Variants in MEGF9 observed in about 807,000 individuals in gnomAD.
The protein encoded by MEGF9 is multiple epidermal growth factor-like domains protein 9.
In MEGF9, 6 loss-of-function variants were observed where a neutral mutation model predicts 46.8. The ratio of observed to expected loss-of-function variants is 0.13; its 90% CI spans 0.07 to 0.25. The LOEUF (loss-of-function observed/expected upper bound fraction) is 0.25, where lower values mean the gene tolerates loss of function less well. Ranked by LOEUF, MEGF9 falls within the 10% of genes least tolerant of loss-of-function variation. The probability of loss-of-function intolerance (pLI) is 1.00; values close to 1 mark genes in which losing one functional copy is unlikely to be tolerated. For missense variants in MEGF9, 683 were observed against 792.4 expected, an observed-to-expected ratio of 0.86 and a Z score of 1.66; for synonymous variants, 302 against 330.7, an observed-to-expected ratio of 0.91 and a Z score of 0.94.
chr9:120,634,506 G>C (rs539206842), intron 2 of MEGF9, among the ~76,000 whole-genome samples: 1,167 of 103,744 alleles, frequency 0.011, 20 homozygotes, highest in Middle Eastern at 0.05. Flanking sequence ...CCAGGCTGGA[G>C]TGCAGTGGCG....
At position 120,605,731 on chromosome 9, in the gene MEGF9, G is replaced by T; in HGVS notation, c.1358-90C>A. ...AGAAATACGCATGGGAGTGAATGTT[G>T]ATGTAGGATGTTAACATGATATTCT... is the stretch of plus-strand genomic sequence containing the variant. On this transcript the variant is annotated intron_variant, in intron 5 of 5. Transcript: ENST00000373930. This position sits in a 1 kb window ranked among gnomAD's most constrained non-coding sequence, Gnocchi z 4.0. 1 of 890,946 alleles carries T rather than the reference G, an allele frequency of 1.1e-6. No homozygotes were observed. Among genetic ancestry groups the T allele is most frequent in the Non-Finnish European group, 1.7e-6 (1 of 588,184 alleles). The allele number at this position is 890,946 out of a possible 1,614,324, so 55.2% of individuals were successfully genotyped here. A position where few individuals can be genotyped will look rare whatever the true frequency, so the allele number is the denominator to read the frequency against.
At chr9:120,665,460 C>T (rs1012215884) in intron 1 of MEGF9, among the ~76,000 whole-genome samples, 2 of 152,170 alleles carry the variant, frequency 1.3e-5, no homozygotes, top group Non-Finnish European at 2.9e-5. Flanking sequence ...GCCTCAGCCT[C>T]CCAAAGTGCT....
chr9:120,678,932 C>T (rs1587993166), intron 1 of MEGF9, among the ~76,000 whole-genome samples: 2 of 152,312 alleles, frequency 1.3e-5, no homozygotes, highest in African/African-American at 4.8e-5. Context: ...GAGATACCAT[C>T]TCACACCAGT....
intron 4 of MEGF9, among the ~76,000 whole-genome samples, chr9:120,610,511 T>C (rs979718100): frequency 2.6e-5 from 4 of 152,200 alleles, no homozygotes; most frequent in Non-Finnish European, 4.4e-5. Flanking sequence ...TTCTGTACCA[T>C]TGTTCCTACT....
Position 120,601,565 on chromosome 9 carries a change from G to A in MEGF9, c.*3625C>T, listed in dbSNP as rs758616701. ...GCGCTAGAGAACAGTGATATAATTT[G>A]AGGTGTCTACAAATGTTGTCTAAAA... On this transcript the variant is annotated 3_prime_UTR_variant, in exon 6 of 6. Transcript: ENST00000373930. 6.6e-6 allele frequency: 1 copy of A among 152,174 alleles called. No homozygotes were observed. Among genetic ancestry groups the A allele is most frequent in the Admixed American group, 6.5e-5 (1 of 15,274 alleles). 9.4% of individuals were successfully genotyped at this position (152,174 alleles called of 1,614,324 possible). A position where few individuals can be genotyped will look rare whatever the true frequency, so the allele number is the denominator to read the frequency against.
At chr9:120,606,837 A>C (rs1029068497) in intron 5 of MEGF9, among the ~76,000 whole-genome samples, 1 of 152,220 alleles carries the variant, frequency 6.6e-6, no homozygotes, top group Non-Finnish European at 1.5e-5. Context: ...CATGAAAGCC[A>C]TATCAATTTA....
intron 1 of MEGF9, among the ~76,000 whole-genome samples, chr9:120,712,941 T>G (rs2043960063): frequency 6.6e-6 from 1 of 152,216 alleles, no homozygotes; most frequent in Non-Finnish European, 1.5e-5. Context: ...AAAAGCCTTT[T>G]CTACGTGGGC....
At chr9:120,669,591 T>C (rs2043739728) in intron 1 of MEGF9, among the ~76,000 whole-genome samples, 1 of 149,726 alleles carries the variant, frequency 6.7e-6, no homozygotes, top group East Asian at 1.9e-4. Flanking sequence ...AAAAAAGCAA[T>C]ATAAGCAGAT....
chr9:120,622,411 A>C (rs1405285340), intron 3 of MEGF9, among the ~76,000 whole-genome samples: 2 of 52,422 alleles, frequency 3.8e-5, no homozygotes, highest in Non-Finnish European at 9.7e-5. Context: ...CTCCATAGGT[A>C]TATGACTTTT....
At chr9:120,689,095 A>C (rs1222901882) in intron 1 of MEGF9, among the ~76,000 whole-genome samples, 1 of 152,224 alleles carries the variant, frequency 6.6e-6, no homozygotes, top group Non-Finnish European at 1.5e-5. Flanking sequence ...AAAAACAAAG[A>C]AGCAATATCG....
chr9:120,658,644 CATT>C (rs2043688052), intron 2 of MEGF9, among the ~76,000 whole-genome samples: 1 of 152,140 alleles, frequency 6.6e-6, no homozygotes. Flanking sequence ...TATAACCTGT[CATT>C]ATTTTTTTCA....
At chr9:120,627,386 G>A (rs2043529914) in intron 2 of MEGF9, among the ~76,000 whole-genome samples, 1 of 152,176 alleles carries the variant, frequency 6.6e-6, no homozygotes, top group Non-Finnish European at 1.5e-5. Flanking sequence ...ACGTGTGTAT[G>A]TATATTTTTA....
rs1172322122 is a variant in MEGF9 at position 120,639,602 on chromosome 9, T to C, written c.804-16847A>G. Among the ~76,000 whole-genome samples the C allele has an allele frequency of 2.0e-5, 3 of 151,788 alleles. No homozygotes were observed. The South Asian group carries it at 6.2e-4, about 32-fold the overall frequency. Reference sequence around the variant, plus strand: ...CACTAGTCATATGACCTTAAATAAATTACTTAATCTCTTTATGCCTCAGCT... The same window carrying C: ...CACTAGTCATATGACCTTAAATAAACTACTTAATCTCTTTATGCCTCAGCT... On this transcript the variant is annotated intron_variant, in intron 2 of 5. Coordinates refer to ENST00000373930, the MANE Select transcript of MEGF9 (RefSeq NM_001080497.3).
chr9:120,692,353 C>G (rs891017022), intron 1 of MEGF9, among the ~76,000 whole-genome samples: 1 of 152,154 alleles, frequency 6.6e-6, no homozygotes, highest in South Asian at 2.1e-4. Flanking sequence ...TGCTTAATAA[C>G]AGAAGACAGG....
intron 1 of MEGF9, among the ~76,000 whole-genome samples, chr9:120,679,884 G>A (rs1328271795): frequency 6.9e-6 from 1 of 145,914 alleles, no homozygotes; most frequent in Non-Finnish European, 1.5e-5. Flanking sequence ...GTTGCAGTGA[G>A]CCAAGATTGT....
At chr9:120,653,233 G>C (rs1215310368) in intron 2 of MEGF9, among the ~76,000 whole-genome samples, 2 of 152,112 alleles carry the variant, frequency 1.3e-5, no homozygotes, top group Non-Finnish European at 2.9e-5. Flanking sequence ...GAAATTCAGT[G>C]CTTAGGGCTA....
intron 3 of MEGF9, among the ~76,000 whole-genome samples, chr9:120,614,833 G>A (rs1452368182): frequency 1.3e-5 from 2 of 151,692 alleles, no homozygotes; most frequent in Non-Finnish European, 2.9e-5. Context: ...AAATTTGGAT[G>A]TTCAGGGTAA....
chr9:120,680,557 G>C (rs1360183836), intron 1 of MEGF9, among the ~76,000 whole-genome samples: 2 of 151,402 alleles, frequency 1.3e-5, no homozygotes, highest in African/African-American at 4.9e-5. Flanking sequence ...CCACCACTGG[G>C]ACTGCACTGG....
At chr9:120,687,406 G>A (rs2043827449) in intron 1 of MEGF9, among the ~76,000 whole-genome samples, 1 of 152,096 alleles carries the variant, frequency 6.6e-6, no homozygotes, top group Non-Finnish European at 1.5e-5. Flanking sequence ...TTGCTCTAGA[G>A]AAACTCACCT....
Sources: allele counts gnomAD v4.1 joint callset (sites outside exome capture counted in the v4.1 genomes callset), GRCh38; gene constraint gnomAD v4.1.1; non-coding constraint Gnocchi (gnomAD v3.1); transcripts MANE v1.5; gene names NCBI Gene and HGNC (gene_info 2026-07-23, HGNC 2026-07-21).